The following RALA variants were observed in gnomAD, a reference collection of about 807,000 sequenced individuals.
RALA encodes RAS like proto-oncogene A.
Under a neutral mutation model 24.0 loss-of-function variants are expected in RALA, and 5 were observed. The observed-to-expected ratio is 0.21, with a 90% confidence interval of 0.11 to 0.44. The LOEUF is 0.44. Ranked by LOEUF, RALA falls within the 20% of genes least tolerant of loss-of-function variation. RALA has a pLI of 0.99. For missense variants in RALA, 95 were observed against 241.2 expected, an observed-to-expected ratio of 0.39 and a Z score of 4.01; for synonymous variants, 77 against 83.8, an observed-to-expected ratio of 0.92 and a Z score of 0.44.
In RALA at chr7:39,681,302, C is replaced by CTTTTTTTT. The variant is rs70996832; in HGVS notation, c.-37-5303_-37-5296dup. 4.0e-3 allele frequency among the ~76,000 whole-genome samples: 199 copies of CTTTTTTTT among 50,054 alleles called. 33 individuals are homozygous for CTTTTTTTT. The highest frequency in any genetic ancestry group is 5.3e-3 in the Non-Finnish European group (148 of 28,096). The allele number at this position is 50,054 out of a possible 152,430, so 32.8% of individuals were successfully genotyped here. On this transcript the variant is annotated intron_variant, in intron 1 of 4. Coordinates refer to ENST00000005257, the MANE Select transcript of RALA (RefSeq NM_005402.4). ...TCCTCAACCCAAACCCACCCTATTC[C>CTTTTTTTT]TTTTTTTTTTTTTTTTTTTTTTTTT... is the stretch of plus-strand genomic sequence containing the variant.
intron 1 of RALA, among the ~76,000 whole-genome samples, chr7:39,659,045 C>T (rs946708254): frequency 4.6e-5 from 7 of 151,990 alleles, no homozygotes; most frequent in Non-Finnish European, 1.0e-4. Flanking sequence ...TTTGGGAGGC[C>T]GAGGCAGGCA....
At chr7:39,647,427 TCTATC>T (rs1279466620) in intron 1 of RALA, among the ~76,000 whole-genome samples, 1 of 152,222 alleles carries the variant, frequency 6.6e-6, no homozygotes, top group African/African-American at 2.4e-5. Flanking sequence ...AGGTTCTGTG[TCTATC>T]CTAGGTGTAT....
At chr7:39,635,075 TGTG>T (rs1432629568) in intron 1 of RALA, among the ~76,000 whole-genome samples, 1 of 152,126 alleles carries the variant, frequency 6.6e-6, no homozygotes, top group African/African-American at 2.4e-5. Flanking sequence ...TTTTGCCAGG[TGTG>T]GTGGCTCACG....
chr7:39,655,248 A>T (rs1044653802), intron 1 of RALA, among the ~76,000 whole-genome samples: 10 of 152,240 alleles, frequency 6.6e-5, no homozygotes, highest in African/African-American at 2.4e-4. Context: ...ACTACTCAGC[A>T]ATAAAAGGGA....
chr7:39,624,785 A>G (rs980970966), intron 1 of RALA, among the ~76,000 whole-genome samples: 2 of 152,204 alleles, frequency 1.3e-5, no homozygotes, highest in African/African-American at 4.8e-5. Context: ...AACCTTTATA[A>G]AACATGTATC....
At chr7:39,699,121 A>G (rs113688683) in intron 4 of RALA, among the ~76,000 whole-genome samples, 3 of 61,372 alleles carry the variant, frequency 4.9e-5, no homozygotes, top group Non-Finnish European at 6.8e-5. Context: ...TAAAAATGTT[A>G]TTTTTTTTTT....
intron 4 of RALA, chr7:39,703,073 T>C (rs554834958): frequency 6.6e-6 from 1 of 152,368 alleles, no homozygotes; most frequent in South Asian, 2.1e-4. Flanking sequence ...CTGTACGTTA[T>C]ATGTTTCAAA....
chr7:39,677,928 G>A (rs573240602), intron 1 of RALA, among the ~76,000 whole-genome samples: 159 of 145,868 alleles, frequency 1.1e-3, no homozygotes, highest in Admixed American at 2.7e-3. Flanking sequence ...ATTTGTTTGA[G>A]TTCATTGTAG....
At chr7:39,625,470 A>G (rs1005755098) in intron 1 of RALA, among the ~76,000 whole-genome samples, 1 of 152,200 alleles carries the variant, frequency 6.6e-6, no homozygotes, top group Non-Finnish European at 1.5e-5. Flanking sequence ...AGGAGTTACC[A>G]TTGTTTGGAT....
At chr7:39,693,015 T>TG (rs200167644) in intron 3 of RALA, among the ~76,000 whole-genome samples, 494 of 152,312 alleles carry the variant, frequency 3.2e-3, no homozygotes, top group African/African-American at 0.011. Context: ...GTGTGGCGAT[T>TG]CCTCAAGGAT....
In RALA at chr7:39,707,380, T is replaced by C. The variant is rs552844472; in HGVS notation, c.*1135T>C. On this transcript the variant is annotated 3_prime_UTR_variant, in exon 5 of 5. Transcript: ENST00000005257. ...ATAAAGTTACAGTTTGATACAGGAA[T>C]TATTAGGAGTAATTCTTTTCTGTTT... 1 of 152,360 alleles carries C rather than the reference T, an allele frequency of 6.6e-6. No homozygotes were observed. Among genetic ancestry groups the C allele is most frequent in the East Asian group, 1.9e-4 (1 of 5,194 alleles). 9.4% of individuals were successfully genotyped at this position (152,360 alleles called of 1,614,324 possible).
At chr7:39,705,482 T>C (rs1036189039) in intron 4 of RALA, among the ~76,000 whole-genome samples, 3 of 152,210 alleles carry the variant, frequency 2.0e-5, no homozygotes, top group Admixed American at 6.5e-5. Context: ...GAATTTCTTA[T>C]TGAAATTTAA....
intron 1 of RALA, among the ~76,000 whole-genome samples, chr7:39,630,763 G>GA (rs966522956): frequency 1.2e-4 from 18 of 150,696 alleles, no homozygotes; most frequent in African/African-American, 1.9e-4. Flanking sequence ...ATTTAAAAAA[G>GA]AAAAAAAAAT....
intron 1 of RALA, among the ~76,000 whole-genome samples, chr7:39,634,223 G>C (rs1424222105): frequency 1.3e-5 from 2 of 152,106 alleles, no homozygotes; most frequent in Non-Finnish European, 2.9e-5. Context: ...AGGTTGAGGA[G>C]CCCTCACTCA....
chr7:39,654,895 C>T (rs991421798), intron 1 of RALA, among the ~76,000 whole-genome samples: 1 of 152,056 alleles, frequency 6.6e-6, no homozygotes, highest in Non-Finnish European at 1.5e-5. Context: ...GGGCTATAGG[C>T]GTGTGCCACA....
At chr7:39,658,258 C>G (rs1450675083) in intron 1 of RALA, among the ~76,000 whole-genome samples, 1 of 152,138 alleles carries the variant, frequency 6.6e-6, no homozygotes, top group East Asian at 1.9e-4. Flanking sequence ...GCTCCTTTTT[C>G]TCCTTCAGCT....
intron 4 of RALA, among the ~76,000 whole-genome samples, chr7:39,698,977 G>A (rs2116105265): frequency 6.6e-6 from 1 of 151,880 alleles, no homozygotes; most frequent in Middle Eastern, 3.4e-3. Flanking sequence ...CGTCACTTTG[G>A]GAGAAAAAAA....
chr7:39,660,841 A>G (rs1435025331), intron 1 of RALA, among the ~76,000 whole-genome samples: 3 of 152,360 alleles, frequency 2.0e-5, no homozygotes, highest in East Asian at 1.9e-4. Flanking sequence ...ATTATTTACT[A>G]TCAGGTACAC....
intron 1 of RALA, among the ~76,000 whole-genome samples, chr7:39,642,582 A>G (rs1397826797): frequency 6.6e-6 from 1 of 152,192 alleles, no homozygotes; most frequent in Non-Finnish European, 1.5e-5. Flanking sequence ...CACACTCTTT[A>G]CAAAAATCCC....
Sources: allele counts gnomAD v4.1 joint callset (sites outside exome capture counted in the v4.1 genomes callset), GRCh38; gene constraint gnomAD v4.1.1; transcripts MANE v1.5; gene names NCBI Gene and HGNC (gene_info 2026-07-23, HGNC 2026-07-21).